The following SLC16A7 variants were observed in gnomAD, a reference collection of about 807,000 sequenced individuals.
SLC16A7 encodes solute carrier family 16 member 7.
Under a neutral mutation model 34.9 loss-of-function variants are expected in SLC16A7, and 33 were observed. The ratio of observed to expected loss-of-function variants is 0.94; its 90% CI spans 0.72 to 1.26. SLC16A7 has a LOEUF of 1.26. SLC16A7 is among the 50% of genes most tolerant of loss of function. SLC16A7 has a pLI of 0.00. For synonymous variants in SLC16A7, 201 were observed against 206.6 expected (o/e 0.97, Z 0.23); for missense variants, 573 against 578.1 (o/e 0.99, Z 0.09).
At chr12:59,658,351 T>C (rs1868645823) in intron 2 of SLC16A7, among the ~76,000 whole-genome samples, 2 of 152,050 alleles carry the variant, frequency 1.3e-5, no homozygotes, top group East Asian at 3.9e-4. Flanking sequence ...CCCAAGGCAC[T>C]TAACTATGTG....
At position 59,781,825 on chromosome 12, in the gene SLC16A7, A is replaced by T. The variant is rs1883268310; in HGVS notation, c.*2146A>T. 6.6e-6 allele frequency: 1 copy of T among 152,244 alleles called. No homozygotes were observed. The highest frequency in any genetic ancestry group is 6.5e-5 in the Admixed American group (1 of 15,268). 9.4% of individuals were successfully genotyped at this position (152,244 alleles called of 1,614,324 possible). A position where few individuals can be genotyped will look rare whatever the true frequency, so the allele number is the denominator to read the frequency against. Reference sequence around the variant, plus strand: ...TGTCTTGAATTCTCTGAAAAGGCACATTAAACTAATATGAACATCAGATAC... The same window carrying T: ...TGTCTTGAATTCTCTGAAAAGGCACTTTAAACTAATATGAACATCAGATAC... On this transcript the variant is annotated 3_prime_UTR_variant, in exon 6 of 6. Transcript: ENST00000547379.
chr12:59,671,801 A>G (rs1391588387), intron 2 of SLC16A7, among the ~76,000 whole-genome samples: 1 of 141,744 alleles, frequency 7.1e-6, no homozygotes, highest in African/African-American at 2.6e-5. Flanking sequence ...GTATATATGT[A>G]TATATGTGTA....
intron 3 of SLC16A7, among the ~76,000 whole-genome samples, chr12:59,752,696 G>A (rs1389179829): frequency 6.6e-6 from 1 of 152,202 alleles, no homozygotes; most frequent in African/African-American, 2.4e-5. Flanking sequence ...ATATTATCCA[G>A]GAGAACTTCC....
chr12:59,692,617 A>G (rs1871805384), intron 2 of SLC16A7, among the ~76,000 whole-genome samples: 1 of 152,004 alleles, frequency 6.6e-6, no homozygotes. Context: ...TTCATAGATA[A>G]TTATATACTG....
chr12:59,671,482 A>G (rs1869680916), intron 2 of SLC16A7, among the ~76,000 whole-genome samples: 1 of 152,006 alleles, frequency 6.6e-6, no homozygotes, highest in Non-Finnish European at 1.5e-5. Context: ...CCTAGGATTA[A>G]AATAGATGAT....
chr12:59,699,680 A>G (rs1176977276), intron 2 of SLC16A7, among the ~76,000 whole-genome samples: 1 of 151,836 alleles, frequency 6.6e-6, no homozygotes, highest in African/African-American at 2.4e-5. Flanking sequence ...ATACACATGT[A>G]TATTCAGAAA....
chr12:59,704,003 A>T lies in SLC16A7; in HGVS notation c.-30-769A>T, dbSNP rs1356529321. On this transcript the variant is annotated intron_variant, in intron 2 of 5. Transcript: ENST00000547379. ...GATCATCTGAGGTCAGGAGTTCGAG[A>T]CCAGCTTGGCCAACATGACGAAACC... 2.6e-5 allele frequency among the ~76,000 whole-genome samples: 4 copies of T among 151,774 alleles called. No homozygotes were observed. The East Asian group carries it at 7.8e-4, about 29-fold the overall frequency.
At chr12:59,646,191 G>A (rs1219720194) in intron 1 of SLC16A7, among the ~76,000 whole-genome samples, 3 of 152,190 alleles carry the variant, frequency 2.0e-5, no homozygotes, top group South Asian at 2.1e-4. Context: ...TGGGGAAAAT[G>A]TCTCCAGGGC....
At chr12:59,756,171 C>T (rs951909386) in intron 3 of SLC16A7, among the ~76,000 whole-genome samples, 12 of 152,184 alleles carry the variant, frequency 7.9e-5, no homozygotes, top group Admixed American at 3.3e-4. Flanking sequence ...AAAATCTAGG[C>T]ATTACCATTC....
chr12:59,609,165 C>A (rs1007945464), intron 1 of SLC16A7, among the ~76,000 whole-genome samples: 2 of 152,138 alleles, frequency 1.3e-5, no homozygotes, highest in Admixed American at 6.6e-5. Flanking sequence ...GCTTATATAA[C>A]CTACTTCCTA....
At position 59,628,749 on chromosome 12, in the gene SLC16A7, AAAT is replaced by A. The variant is rs556817336; in HGVS notation, c.-129-26400_-129-26398del. Among the ~76,000 whole-genome samples, 676 of 151,954 alleles carry A rather than the reference AAAT, an allele frequency of 4.4e-3. 7 individuals are homozygous for A. The highest frequency in any genetic ancestry group is 7.1e-3 in the Admixed American group (108 of 15,208). On this transcript the variant is annotated intron_variant, in intron 1 of 5. Coordinates refer to ENST00000547379, the MANE Select transcript of SLC16A7 (RefSeq NM_001270623.2). ...TATGAAAGGTTCTTAATTACTGACT[AAAT>A]AAGTGAATCAATTAATTAATGGCCC...
At chr12:59,707,057 G>T (rs1375296598) in intron 3 of SLC16A7, among the ~76,000 whole-genome samples, 1 of 152,132 alleles carries the variant, frequency 6.6e-6, no homozygotes, top group African/African-American at 2.4e-5. Flanking sequence ...GGCTTTGTAT[G>T]TTGTTCCCTA....
At chr12:59,728,164 C>T (rs1449221479) in intron 3 of SLC16A7, among the ~76,000 whole-genome samples, 3 of 152,074 alleles carry the variant, frequency 2.0e-5, no homozygotes, top group Non-Finnish European at 4.4e-5. Flanking sequence ...GGGTTTAATA[C>T]AGCAACCTGA....
chr12:59,685,594 G>A (rs995343), intron 2 of SLC16A7, among the ~76,000 whole-genome samples: 86,042 of 151,890 alleles, frequency 0.57, 25,321 homozygotes, highest in African/African-American at 0.73. Context: ...CCAACAACAT[G>A]TGGTTGATAT....
intron 1 of SLC16A7, among the ~76,000 whole-genome samples, chr12:59,611,345 T>C (rs1034120112): frequency 1.3e-5 from 2 of 152,180 alleles, no homozygotes; most frequent in African/African-American, 4.8e-5. Flanking sequence ...AAGCCACTTA[T>C]GCAATCATCA....
Position 59,779,799 on chromosome 12 carries a change from G to T in SLC16A7, c.*120G>T. 1.3e-6 allele frequency: 1 copy of T among 753,736 alleles called. No homozygotes were observed. The highest frequency in any genetic ancestry group is 2.2e-5 in the South Asian group (1 of 45,922). The allele number at this position is 753,736 out of a possible 1,614,324, so 46.7% of individuals were successfully genotyped here. On this transcript the variant is annotated 3_prime_UTR_variant, in exon 6 of 6. Coordinates refer to ENST00000547379, the MANE Select transcript of SLC16A7 (RefSeq NM_001270623.2). ...AAATGAGGAGTCACAATTAAGGATG[G>T]AGGTGATATTTTCCTCAATGGCAAA... is the stretch of plus-strand genomic sequence containing the variant.
chr12:59,648,472 CT>C (rs929668048), intron 1 of SLC16A7, among the ~76,000 whole-genome samples: 6 of 152,028 alleles, frequency 3.9e-5, no homozygotes, highest in Admixed American at 1.3e-4. Flanking sequence ...ACATTTAAAC[CT>C]TTTTTTTCTA....
At chr12:59,739,621 T>C (rs1878050331) in intron 3 of SLC16A7, among the ~76,000 whole-genome samples, 1 of 150,578 alleles carries the variant, frequency 6.6e-6, no homozygotes, top group South Asian at 2.1e-4. Flanking sequence ...ATCGCCACAC[T>C]GTCTTCCACA....
At chr12:59,649,993 T>G (rs1177703763) in intron 1 of SLC16A7, among the ~76,000 whole-genome samples, 1 of 152,058 alleles carries the variant, frequency 6.6e-6, no homozygotes, top group Admixed American at 6.6e-5. Flanking sequence ...TAGTAAAAAT[T>G]TTATAGATAT....
Sources: gnomAD v4.1 joint callset for allele counts (sites outside exome capture counted in the v4.1 genomes callset) on GRCh38, gnomAD v4.1.1 for gene constraint, MANE v1.5 for transcripts, NCBI Gene and HGNC (gene_info 2026-07-23, HGNC 2026-07-21) for gene names.